COBLL1: variants seen among roughly 807,000 people sequenced by gnomAD.
The protein encoded by COBLL1 is cordon-bleu WH2 repeat protein like 1, also known as cordon-bleu protein-like 1.
In COBLL1, 50 loss-of-function variants were observed where a neutral mutation model predicts 94.8. The ratio of observed to expected loss-of-function variants is 0.53; its 90% CI spans 0.42 to 0.67. COBLL1 has a LOEUF of 0.67. COBLL1 is among the 30% of genes least tolerant of loss of function. The pLI, the probability that COBLL1 is intolerant of heterozygous loss-of-function variation, is 0.00. For missense variants in COBLL1, 1,362 were observed against 1,348.7 expected (o/e 1.01, Z -0.15); for synonymous variants, 448 against 473.8 (o/e 0.95, Z 0.71).
intron 2 of COBLL1, among the ~76,000 whole-genome samples, chr2:164,792,088 GTTTTTC>G (rs1050344907): frequency 7.9e-5 from 12 of 151,632 alleles, no homozygotes; most frequent in Non-Finnish European, 1.8e-4. Context: ...CCCATTGGCT[GTTTTTC>G]TTTCTTTCTA....
chr2:164,805,342 T>TATAAATATATATATATATAA (rs1559033698), intron 2 of COBLL1, among the ~76,000 whole-genome samples: 1 of 87,676 alleles, frequency 1.1e-5, no homozygotes, highest in Admixed American at 1.3e-4. Flanking sequence ...TCTCTCTATA[T>TATAAATATATATATATATAA]ATATATATAT....
rs1448322449 is a variant in COBLL1, at chr2:164,805,317, CTCTCTCTCTCTCTCTCTCTCTATA to C, written c.41+35815_41+35838del. Among the ~76,000 whole-genome samples the C allele has an allele frequency of 1.5e-3, 55 of 35,654 alleles. 5 individuals are homozygous for C. Among genetic ancestry groups the C allele is most frequent in the African/African-American group, 4.8e-3 (44 of 9,156 alleles). 23.4% of individuals were successfully genotyped at this position (35,654 alleles called of 152,430 possible). On this transcript the variant is annotated intron_variant, in intron 2 of 13. Coordinates refer to ENST00000652658, the MANE Select transcript of COBLL1 (RefSeq NM_001365672.2). ...TCTCTCTCTCTCTCTCTCTCTCTCT[CTCTCTCTCTCTCTCTCTCTCTATA>C]TATATATATATATATATATATAAAA...
intron 2 of COBLL1, among the ~76,000 whole-genome samples, chr2:164,776,070 C>T (rs1433958616): frequency 6.6e-6 from 1 of 151,932 alleles, no homozygotes; most frequent in Non-Finnish European, 1.5e-5. Context: ...TGTACTTCGT[C>T]TCCACTTCAA....
intron 2 of COBLL1, among the ~76,000 whole-genome samples, chr2:164,755,254 G>A (rs139786393): frequency 2.2e-4 from 34 of 152,264 alleles, no homozygotes; most frequent in Admixed American, 8.5e-4. Flanking sequence ...GAGTAAAGAC[G>A]TAGCCAAGTG....
At chr2:164,770,355 T>C (rs1688146803) in intron 2 of COBLL1, among the ~76,000 whole-genome samples, 1 of 151,636 alleles carries the variant, frequency 6.6e-6, no homozygotes, top group Non-Finnish European at 1.5e-5. Flanking sequence ...CTAATAGATA[T>C]GTCTTCTGAA....
chr2:164,709,758 AG>A (rs1237084601), intron 7 of COBLL1, among the ~76,000 whole-genome samples: 1 of 152,072 alleles, frequency 6.6e-6, no homozygotes, highest in Non-Finnish European at 1.5e-5. Context: ...AAGACATTAG[AG>A]GAAAGTGAAC....
chr2:164,784,637 A>T (rs1688864240), intron 2 of COBLL1, among the ~76,000 whole-genome samples: 1 of 152,004 alleles, frequency 6.6e-6, no homozygotes, highest in Non-Finnish European at 1.5e-5. Flanking sequence ...CTGTTTGCAT[A>T]ATCTGCTTCC....
chr2:164,802,132 TTAGA>T (rs1438131487), intron 2 of COBLL1, among the ~76,000 whole-genome samples: 2 of 152,190 alleles, frequency 1.3e-5, no homozygotes, highest in Non-Finnish European at 2.9e-5. Context: ...AACTCTCAAA[TTAGA>T]TAGCAGATTA....
rs141325131 is a variant in COBLL1 at position 164,756,864 on chromosome 2, G to A, written c.42-12989C>T. On this transcript the variant is annotated intron_variant, in intron 2 of 13. Coordinates refer to ENST00000652658, the MANE Select transcript of COBLL1 (RefSeq NM_001365672.2). The stretch of plus-strand genomic sequence containing the variant: ...GTCAGAGATCGTGGTTTGTGTCTGG[G>A]TCTGCACAAATTAGTTATTAGGTCA... Among the ~76,000 whole-genome samples, 225 of 152,250 alleles carry A rather than the reference G, an allele frequency of 1.5e-3. 3 individuals carry two copies. Among genetic ancestry groups the A allele is most frequent in the South Asian group, 0.013 (64 of 4,814 alleles).
At chr2:164,734,417 G>A (rs547621797) in intron 3 of COBLL1, among the ~76,000 whole-genome samples, 2 of 152,294 alleles carry the variant, frequency 1.3e-5, no homozygotes, top group South Asian at 2.1e-4. Context: ...TGAAATCAGG[G>A]TGATAATCTT....
intron 2 of COBLL1, among the ~76,000 whole-genome samples, chr2:164,835,122 TAATA>T (rs1170261993): frequency 6.6e-6 from 1 of 151,910 alleles, no homozygotes; most frequent in Non-Finnish European, 1.5e-5. Flanking sequence ...TCAAAAAAAT[TAATA>T]AATAAAACTG....
intron 13 of COBLL1, chr2:164,687,847 C>T (rs1683386095): frequency 3.5e-6 from 1 of 284,518 alleles, no homozygotes; most frequent in Non-Finnish European, 6.7e-6. Flanking sequence ...TTTTGTAATC[C>T]TTGCCAAAAT....
At chr2:164,705,576 GA>G (rs1480729877) in intron 7 of COBLL1, among the ~76,000 whole-genome samples, 1 of 152,134 alleles carries the variant, frequency 6.6e-6, no homozygotes, top group Non-Finnish European at 1.5e-5. Flanking sequence ...CTACTGCAAA[GA>G]GCTACTGCTC....
chr2:164,809,619 T>G (rs1574629955), intron 2 of COBLL1, among the ~76,000 whole-genome samples: 1 of 152,028 alleles, frequency 6.6e-6, no homozygotes, highest in African/African-American at 2.4e-5. Context: ...AAGAACTGAC[T>G]TTACAAAAAC....
intron 2 of COBLL1, among the ~76,000 whole-genome samples, chr2:164,659,228 G>C (rs145138927): frequency 6.6e-6 from 1 of 152,036 alleles, no homozygotes; most frequent in Admixed American, 6.5e-5. Flanking sequence ...TGGAGTGAGG[G>C]GATTACTTTA....
At chr2:164,752,288 A>G (rs1311197497) in intron 2 of COBLL1, among the ~76,000 whole-genome samples, 1 of 152,186 alleles carries the variant, frequency 6.6e-6, no homozygotes, top group East Asian at 1.9e-4. Flanking sequence ...CAGACAGATT[A>G]AGGAACTTGC....
intron 3 of COBLL1, among the ~76,000 whole-genome samples, chr2:164,741,349 G>A (rs1199432505): frequency 6.6e-6 from 1 of 152,018 alleles, no homozygotes; most frequent in African/African-American, 2.4e-5. Flanking sequence ...TTTTGGAGGA[G>A]AAAATAAGGT....
At chr2:164,661,849 A>G (rs1460909815) in intron 2 of COBLL1, among the ~76,000 whole-genome samples, 1 of 152,204 alleles carries the variant, frequency 6.6e-6, no homozygotes, top group Admixed American at 6.5e-5. Context: ...TTTTCAACAA[A>G]TAAGTTATTT....
At chr2:164,731,052 C>A (rs753295635) in intron 3 of COBLL1, among the ~76,000 whole-genome samples, 2 of 152,106 alleles carry the variant, frequency 1.3e-5, no homozygotes, top group African/African-American at 2.4e-5. Context: ...TCAAAATGGG[C>A]CCACAGTCTG....
Sources: allele counts gnomAD v4.1 joint callset (sites outside exome capture counted in the v4.1 genomes callset), GRCh38; gene constraint gnomAD v4.1.1; transcripts MANE v1.5; gene names NCBI Gene and HGNC (gene_info 2026-07-23, HGNC 2026-07-21).